The following PTGER3 variants were observed in gnomAD, a reference collection of about 807,000 sequenced individuals.
The protein encoded by PTGER3 is prostaglandin E2 receptor EP3 subtype.
In PTGER3, 22 loss-of-function variants were observed where a neutral mutation model predicts 34.7. The ratio of observed to expected loss-of-function variants is 0.63; its 90% CI spans 0.45 to 0.91. PTGER3 has a LOEUF of 0.91. PTGER3 is among the 40% of genes least tolerant of loss of function. The pLI, the probability that PTGER3 is intolerant of heterozygous loss-of-function variation, is 0.00. For missense variants in PTGER3, 468 were observed against 519.4 expected, an observed-to-expected ratio of 0.90 and a Z score of 0.96; for synonymous variants, 241 against 230.1, an observed-to-expected ratio of 1.05 and a Z score of -0.43.
chr1:70,981,384 T>TTCC (rs1654330123), intron 2 of PTGER3, among the ~76,000 whole-genome samples: 8 of 48,288 alleles, frequency 1.7e-4, no homozygotes, highest in Non-Finnish European at 3.2e-4. Context: ...TCTTTCTTTC[T>TTCC]TTCTTTCTTT....
At chr1:70,957,202 A>C (rs1651436503) in intron 2 of PTGER3, among the ~76,000 whole-genome samples, 1 of 152,130 alleles carries the variant, frequency 6.6e-6, no homozygotes, top group Admixed American at 6.5e-5. Context: ...GTAAACCTTA[A>C]TCATCTTTTA....
At chr1:70,963,420 A>G (rs1411094151) in intron 2 of PTGER3, among the ~76,000 whole-genome samples, 1 of 152,190 alleles carries the variant, frequency 6.6e-6, no homozygotes, top group Non-Finnish European at 1.5e-5. Context: ...GAGGCTCTCC[A>G]TGAGGGCCCT....
chr1:70,987,921 C>T (rs1655074926), intron 2 of PTGER3, among the ~76,000 whole-genome samples: 1 of 152,162 alleles, frequency 6.6e-6, no homozygotes, highest in Non-Finnish European at 1.5e-5. Flanking sequence ...AACTTTGACT[C>T]CTCACCAATA....
chr1:70,979,751 C>T (rs762641208), intron 2 of PTGER3, among the ~76,000 whole-genome samples: 9 of 152,128 alleles, frequency 5.9e-5, no homozygotes, highest in Non-Finnish European at 1.3e-4. Flanking sequence ...TCAACTCAAA[C>T]TATATTAAAG....
intron 2 of PTGER3, among the ~76,000 whole-genome samples, chr1:70,981,315 CCTTTCTTCTTTCTTTCTTTCTTTCTTTCT>C (rs1557708594): frequency 0.05 from 4,734 of 95,486 alleles, 343 homozygotes; most frequent in Middle Eastern, 0.072. Context: ...TTCCTTCCTT[CCTTTCTTCTTTCTTTCTTTCTTTCTTTCT>C]TTCTTTCTTT....
At chr1:70,869,352 TG>T in intron 4 of PTGER3, 1 of 461,440 alleles carries the variant, frequency 2.2e-6, no homozygotes, top group Non-Finnish European at 4.5e-6. Context: ...ACATGAGATT[TG>T]GGCATGGACA....
At chr1:70,879,978 A>T (rs1457558115) in intron 4 of PTGER3, among the ~76,000 whole-genome samples, 2 of 152,042 alleles carry the variant, frequency 1.3e-5, no homozygotes, top group East Asian at 3.9e-4. Flanking sequence ...CTGCAGTCCC[A>T]GCTACTTGGG....
intron 4 of PTGER3, among the ~76,000 whole-genome samples, chr1:70,900,747 C>A (rs190913257): frequency 6.6e-6 from 1 of 152,222 alleles, no homozygotes; most frequent in Non-Finnish European, 1.5e-5. Context: ...CTGTAGAGCA[C>A]CCCCATTATA....
downstream of PTGER3, among the ~76,000 whole-genome samples, chr1:70,970,000 G>A (rs894708942): frequency 1.3e-5 from 2 of 150,700 alleles, no homozygotes; most frequent in African/African-American, 2.5e-5. Context: ...GAGCTTGTGA[G>A]TGGCACAGCC....
intron 1 of PTGER3, among the ~76,000 whole-genome samples, chr1:71,026,999 G>T (rs1658982057): frequency 6.6e-6 from 1 of 152,070 alleles, no homozygotes; most frequent in Non-Finnish European, 1.5e-5. Context: ...CAACACCATT[G>T]ACTCCCTCTC....
At chr1:70,888,863 C>T (rs1382996215) in intron 4 of PTGER3, among the ~76,000 whole-genome samples, 2 of 152,114 alleles carry the variant, frequency 1.3e-5, no homozygotes, top group Admixed American at 1.3e-4. Context: ...TGGGATTCGC[C>T]TTCCCTCTCC....
chr1:70,997,408 C>A (rs1656091138), intron 2 of PTGER3, among the ~76,000 whole-genome samples: 1 of 151,968 alleles, frequency 6.6e-6, no homozygotes, highest in Admixed American at 6.6e-5. Flanking sequence ...TAGATTTATT[C>A]TTCTGAAATA....
At chr1:70,923,657 A>C (rs1647772548) in intron 4 of PTGER3, among the ~76,000 whole-genome samples, 1 of 152,204 alleles carries the variant, frequency 6.6e-6, no homozygotes, top group African/African-American at 2.4e-5. Context: ...TTCTTAAAAC[A>C]TTACTGATCC....
chr1:71,008,178 A>G (rs574977845), intron 2 of PTGER3: 1 of 952,290 alleles, frequency 1.1e-6, no homozygotes, highest in South Asian at 4.9e-5. Context: ...AAAACAGTGT[A>G]GTTTCAAATG....
intron 4 of PTGER3, among the ~76,000 whole-genome samples, chr1:70,881,709 T>C (rs1646394341): frequency 6.6e-6 from 1 of 152,202 alleles, no homozygotes; most frequent in African/African-American, 2.4e-5. Flanking sequence ...CCCCTCCAAT[T>C]ACTGTCTCCA....
chr1:70,994,099 C>G (rs1228941022), intron 2 of PTGER3, among the ~76,000 whole-genome samples: 2 of 152,198 alleles, frequency 1.3e-5, no homozygotes, highest in Admixed American at 1.3e-4. Context: ...CCAACCACAG[C>G]TACCCTTCTC....
At chr1:70,967,678 CATA>C (rs1277113939), downstream of PTGER3, among the ~76,000 whole-genome samples, 2 of 152,076 alleles carry the variant, frequency 1.3e-5, no homozygotes, top group African/African-American at 4.8e-5. Context: ...AAGATACCTG[CATA>C]ATGACAATTA....
rs759462945 is a variant in PTGER3, at chr1:71,047,370, T to C, written c.208A>G (p.Met70Val). 10 of 1,610,926 alleles carry C rather than the reference T, an allele frequency of 6.2e-6. No individual in the cohort carries two copies. The highest frequency in any genetic ancestry group is 1.7e-4 in the Middle Eastern group (1 of 6,058). Residue 70 changes from methionine (M) to valine (V), a missense_variant, in exon 1 of 4, where the codon ATG becomes GTG. Coordinates refer to ENST00000306666, the MANE Select transcript of PTGER3 (RefSeq NM_198719.2). Reference sequence around the variant, plus strand: ...CGGTAGCTGCGCGACACGAGCAGCATGGCCAGTGCGTTGCCCACGAAACCA... The same window carrying C: ...CGGTAGCTGCGCGACACGAGCAGCACGGCCAGTGCGTTGCCCACGAAACCA... ...LTGFVGNALAMLLVSRSYRRR... is the reference protein window; with the variant it reads ...LTGFVGNALAVLLVSRSYRRR...
intron 4 of PTGER3, among the ~76,000 whole-genome samples, chr1:70,914,517 A>T (rs1049987740): frequency 2.0e-5 from 3 of 151,958 alleles, no homozygotes; most frequent in Admixed American, 1.3e-4. Flanking sequence ...GCTGTTTGTC[A>T]TTAAAAAATT....
Sources: gnomAD v4.1 joint callset for allele counts (sites outside exome capture counted in the v4.1 genomes callset) on GRCh38, gnomAD v4.1.1 for gene constraint, MANE v1.5 for transcripts, NCBI Gene and HGNC (gene_info 2026-07-23, HGNC 2026-07-21) for gene names.